Variants in MALRD1 observed in about 807,000 individuals in gnomAD.
MALRD1 encodes MAM and LDL receptor class A domain containing 1.
MALRD1 carries 247 observed loss-of-function variants against 242.1 expected under a neutral mutation model. That is an observed-to-expected ratio of 1.02 (90% CI 0.92 to 1.13). MALRD1 has a LOEUF of 1.13. Ranked by LOEUF, MALRD1 falls within the 50% of genes most tolerant of loss-of-function variation. The pLI is 0.00. For synonymous variants in MALRD1, 995 were observed against 866.6 expected (o/e 1.15, Z -2.60); for missense variants, 2,989 against 2,533.1 (o/e 1.18, Z -3.86).
At chr10:19,067,495 G>A (rs888473054) in intron 2 of MALRD1, among the ~76,000 whole-genome samples, 9 of 152,098 alleles carry the variant, frequency 5.9e-5, no homozygotes, top group African/African-American at 2.2e-4. Context: ...ATAACTAAAA[G>A]CTAGTTATTT....
chr10:19,267,845 T>G (rs1307940711), intron 19 of MALRD1, among the ~76,000 whole-genome samples: 1 of 152,122 alleles, frequency 6.6e-6, no homozygotes, highest in East Asian at 1.9e-4. Flanking sequence ...GCCTTGGTGA[T>G]TGCAATCTTA....
intron 4 of MALRD1, among the ~76,000 whole-genome samples, chr10:19,101,220 A>G (rs185824085): frequency 1.3e-5 from 2 of 148,522 alleles, no homozygotes; most frequent in African/African-American, 4.9e-5. Flanking sequence ...ATACCAAGGA[A>G]CTGAATCCAA....
In MALRD1 at chr10:19,499,931, C is replaced by T. The variant is rs111509274; in HGVS notation, c.5320+1285C>T. 6.6e-3 allele frequency among the ~76,000 whole-genome samples: 999 copies of T among 152,208 alleles called. 12 individuals carry two copies. The highest frequency in any genetic ancestry group is 0.022 in the African/African-American group (911 of 41,526). On this transcript the variant is annotated intron_variant, in intron 31 of 39. Coordinates refer to ENST00000454679, the MANE Select transcript of MALRD1 (RefSeq NM_001142308.3). ...ATCACATGTACTGATTTGCGTATGTCGAACCAACCTTGCATCTTAGGAATG... is the reference window on the plus strand; with the variant it reads ...ATCACATGTACTGATTTGCGTATGTTGAACCAACCTTGCATCTTAGGAATG...
intron 27 of MALRD1, among the ~76,000 whole-genome samples, chr10:19,388,390 A>G (rs991376259): frequency 2.6e-5 from 4 of 152,212 alleles, no homozygotes; most frequent in Admixed American, 6.5e-5. Context: ...TAATTCAGCA[A>G]TTGAAGTTAG....
intron 28 of MALRD1, among the ~76,000 whole-genome samples, chr10:19,441,514 C>T (rs1021504143): frequency 4.6e-5 from 7 of 152,066 alleles, no homozygotes; most frequent in African/African-American, 9.7e-5. Context: ...AATTAATTTT[C>T]GTATAAGGTG....
At chr10:19,095,830 C>T (rs1292950607) in intron 4 of MALRD1, among the ~76,000 whole-genome samples, 2 of 152,080 alleles carry the variant, frequency 1.3e-5, no homozygotes, top group Non-Finnish European at 2.9e-5. Flanking sequence ...TCAACAACGA[C>T]AACAAAAGCA....
intron 18 of MALRD1, among the ~76,000 whole-genome samples, chr10:19,247,532 A>C (rs989360079): frequency 3.0e-4 from 45 of 151,726 alleles, no homozygotes; most frequent in African/African-American, 1.1e-3. Context: ...TGATGAACTA[A>C]ATTCCCCCAC....
chr10:19,177,258 T>A (rs1835300562), intron 14 of MALRD1, among the ~76,000 whole-genome samples: 1 of 143,738 alleles, frequency 7.0e-6, no homozygotes, highest in African/African-American at 2.6e-5. Context: ...CAAGCCTGGG[T>A]GACAGAGCAA....
intron 1 of MALRD1, among the ~76,000 whole-genome samples, chr10:19,061,619 A>T (rs894373517): frequency 6.6e-6 from 1 of 152,184 alleles, no homozygotes; most frequent in Non-Finnish European, 1.5e-5. Context: ...TAGAATAGAG[A>T]GCCCAGAAAT....
intron 21 of MALRD1, among the ~76,000 whole-genome samples, chr10:19,301,051 A>C (rs908459234): frequency 6.6e-6 from 1 of 152,024 alleles, no homozygotes; most frequent in Admixed American, 6.6e-5. Context: ...AAATGTGCAA[A>C]GGACATGAGC....
chr10:19,386,898 G>A (rs1846104444), intron 26 of MALRD1, among the ~76,000 whole-genome samples: 2 of 152,056 alleles, frequency 1.3e-5, no homozygotes, highest in African/African-American at 4.8e-5. Flanking sequence ...CAAAAGCATT[G>A]CTTTTTCTCA....
At chr10:19,496,000 C>T (rs1314067485) in intron 30 of MALRD1, among the ~76,000 whole-genome samples, 1 of 152,148 alleles carries the variant, frequency 6.6e-6, no homozygotes, top group Non-Finnish European at 1.5e-5. Flanking sequence ...GTAAAGGATT[C>T]AATTCAACAA....
chr10:19,479,266 T>C (rs1836881442), intron 29 of MALRD1, among the ~76,000 whole-genome samples: 1 of 152,194 alleles, frequency 6.6e-6, no homozygotes, highest in South Asian at 2.1e-4. Flanking sequence ...TTGTATAGCA[T>C]TTCAATATCG....
intron 36 of MALRD1, among the ~76,000 whole-genome samples, chr10:19,686,009 C>G (rs1341526892): frequency 1.3e-5 from 2 of 152,002 alleles, no homozygotes; most frequent in East Asian, 1.9e-4. Context: ...TCATGCAGCA[C>G]CTAAGTATGT....
chr10:19,172,288 A>T (rs1835048784), intron 13 of MALRD1, among the ~76,000 whole-genome samples: 2 of 147,750 alleles, frequency 1.4e-5, no homozygotes, highest in Non-Finnish European at 3.0e-5. Flanking sequence ...AAACCATGAG[A>T]TGGTCATTAT....
intron 21 of MALRD1, among the ~76,000 whole-genome samples, chr10:19,318,889 A>G (rs1360253909): frequency 1.3e-5 from 2 of 152,074 alleles, no homozygotes; most frequent in Admixed American, 6.6e-5. Context: ...CAATAAATAT[A>G]TCAACATTTT....
At chr10:19,327,794 G>T (rs575610683) in intron 23 of MALRD1, 121 bp downstream of exon 23, 3 of 756,152 alleles carry the variant, frequency 4.0e-6, no homozygotes, top group Admixed American at 2.3e-5. Flanking sequence ...TTCTGTGGAT[G>T]CGTGGACACC....
chr10:19,261,371 C>T (rs926700765), intron 19 of MALRD1, among the ~76,000 whole-genome samples: 1 of 150,542 alleles, frequency 6.6e-6, no homozygotes, highest in Admixed American at 6.6e-5. Flanking sequence ...CTTGTTGAAT[C>T]CATAGGTTTT....
chr10:19,542,781 C>A (rs1347324907), intron 32 of MALRD1, among the ~76,000 whole-genome samples: 1 of 152,020 alleles, frequency 6.6e-6, no homozygotes, highest in Non-Finnish European at 1.5e-5. Flanking sequence ...CTTAATTTGT[C>A]CATGTAGGAA....
Sources: allele counts gnomAD v4.1 joint callset (sites outside exome capture counted in the v4.1 genomes callset), GRCh38; gene constraint gnomAD v4.1.1; transcripts MANE v1.5; gene names NCBI Gene and HGNC (gene_info 2026-07-23, HGNC 2026-07-21).